Variants in GRHL2 observed in about 807,000 individuals in gnomAD.
GRHL2 encodes the protein grainyhead like transcription factor 2.
Under a neutral mutation model 83.8 loss-of-function variants are expected in GRHL2, and 21 were observed. That is an observed-to-expected ratio of 0.25 (90% CI 0.18 to 0.36). The LOEUF (loss-of-function observed/expected upper bound fraction) is 0.36, where lower values mean the gene tolerates loss of function less well. GRHL2 is among the 10% of genes least tolerant of loss of function. The pLI, the probability that GRHL2 is intolerant of heterozygous loss-of-function variation, is 1.00. For synonymous variants in GRHL2, 280 were observed against 278.9 expected, an observed-to-expected ratio of 1.00 and a Z score of -0.04; for missense variants, 623 against 781.8, an observed-to-expected ratio of 0.80 and a Z score of 2.42.
intron 7 of GRHL2, among the ~76,000 whole-genome samples, chr8:101,587,428 G>T (rs542421356): frequency 1.4e-4 from 21 of 152,254 alleles, no homozygotes; most frequent in African/African-American, 4.3e-4. Flanking sequence ...ATACTCACAC[G>T]CACAGATAAC....
chr8:101,592,856 A>G (rs1315017917), intron 7 of GRHL2, among the ~76,000 whole-genome samples: 2 of 152,202 alleles, frequency 1.3e-5, no homozygotes, highest in Non-Finnish European at 2.9e-5. Context: ...CATTTTGGCT[A>G]TATCTCTGGC....
intron 2 of GRHL2, among the ~76,000 whole-genome samples, chr8:101,544,930 G>A (rs1331372938): frequency 6.6e-6 from 1 of 151,994 alleles, no homozygotes. Context: ...ACCACCTCTG[G>A]CATTGCCACC....
intron 1 of GRHL2, among the ~76,000 whole-genome samples, chr8:101,508,097 T>A (rs1160167230): frequency 1.3e-5 from 2 of 152,290 alleles, no homozygotes; most frequent in Non-Finnish European, 2.9e-5. Flanking sequence ...TGAATGATTA[T>A]CCTTATCACT....
Position 101,555,671 on chromosome 8 carries a change from A to C in GRHL2, c.285-2748A>C, listed in dbSNP as rs537274103. Among the ~76,000 whole-genome samples, 4 of 152,324 alleles carry C rather than the reference A, an allele frequency of 2.6e-5. No homozygotes were observed. The South Asian group carries it at 8.3e-4, about 32-fold the overall frequency. ...GGTTCACTCTATTGATTTGATCACG[A>C]AATCAGGTCATTACTTAAGGCTAGA... On this transcript the variant is annotated intron_variant, in intron 3 of 15. Coordinates refer to ENST00000646743, the MANE Select transcript of GRHL2 (RefSeq NM_024915.4).
intron 1 of GRHL2, among the ~76,000 whole-genome samples, chr8:101,530,222 T>C (rs773317820): frequency 2.6e-5 from 4 of 152,184 alleles, no homozygotes; most frequent in Non-Finnish European, 4.4e-5. Flanking sequence ...TTTCCTTTAT[T>C]CCAGTCTCTT....
At chr8:101,624,880 T>C (rs2130382891) in intron 9 of GRHL2, among the ~76,000 whole-genome samples, 1 of 152,210 alleles carries the variant, frequency 6.6e-6, no homozygotes, top group East Asian at 1.9e-4. Flanking sequence ...CTAGGCCTGA[T>C]TTCAAACTCA....
In GRHL2 at chr8:101,667,504, T is replaced by C. The variant is rs578208889; in HGVS notation, c.*801T>C. 6.5e-6 allele frequency: 1 copy of C among 152,674 alleles called. No homozygotes were observed. The highest frequency in any genetic ancestry group is 6.5e-5 in the Admixed American group (1 of 15,286). 9.5% of individuals were successfully genotyped at this position (152,674 alleles called of 1,614,324 possible). On this transcript the variant is annotated 3_prime_UTR_variant, in exon 16 of 16. Coordinates refer to ENST00000646743, the MANE Select transcript of GRHL2 (RefSeq NM_024915.4). ...AGGGCTAGGTAGAGGGCCTTTGGGA[T>C]GTTAAGGTGACTGCAGCTGATGCCA... is the stretch of plus-strand genomic sequence containing the variant.
chr8:101,512,608 G>A (rs1810488054), intron 1 of GRHL2, among the ~76,000 whole-genome samples: 1 of 152,172 alleles, frequency 6.6e-6, no homozygotes, highest in South Asian at 2.1e-4. Flanking sequence ...CCGAGTAGCT[G>A]GGATTACAGG....
At position 101,524,950 on chromosome 8, in the gene GRHL2, C is replaced by CTT. The variant is rs71276982; in HGVS notation, c.21-18283_21-18282dup. 8.0e-5 allele frequency among the ~76,000 whole-genome samples: 12 copies of CTT among 150,818 alleles called. No homozygotes were observed. The East Asian group carries it at 1.2e-3, about 15-fold the overall frequency. ...ATTTTTGTTGCATTGATCAACATAT[C>CTT]TTTTTTTTTGAGATGGAGTTTTGCT... On this transcript the variant is annotated intron_variant, in intron 1 of 15. Transcript: ENST00000646743.
At position 101,611,826 on chromosome 8, in the gene GRHL2, T is replaced by G. The variant is rs915888676; in HGVS notation, c.1099-7713T>G. Among the ~76,000 whole-genome samples, 14 of 150,890 alleles carry G rather than the reference T, an allele frequency of 9.3e-5. 1 individual carries two copies. The highest frequency in any genetic ancestry group is 1.5e-4 in the Non-Finnish European group (10 of 68,014). ...CACCACTCCCTGCCTTTCAGGTTCTTTCTTCACCTTCCAGATATAAACCCT... is the reference window on the plus strand; with the variant it reads ...CACCACTCCCTGCCTTTCAGGTTCTGTCTTCACCTTCCAGATATAAACCCT... On this transcript the variant is annotated intron_variant, in intron 8 of 15. Coordinates refer to ENST00000646743, the MANE Select transcript of GRHL2 (RefSeq NM_024915.4).
At chr8:101,573,259 G>T (rs1028888707) in intron 5 of GRHL2, among the ~76,000 whole-genome samples, 1 of 150,528 alleles carries the variant, frequency 6.6e-6, no homozygotes, top group East Asian at 1.9e-4. Context: ...AAAAAAAAAG[G>T]TTAGGTATAT....
intron 11 of GRHL2, 120 bp from the exon 12 acceptor site, chr8:101,636,777 C>A: frequency 1.3e-6 from 1 of 753,704 alleles, no homozygotes; most frequent in Non-Finnish European, 2.4e-6. Context: ...TGTTATTAAA[C>A]AGATTAGTCT....
At chr8:101,519,335 C>A (rs564755954) in intron 1 of GRHL2, among the ~76,000 whole-genome samples, 1 of 151,976 alleles carries the variant, frequency 6.6e-6, no homozygotes, top group African/African-American at 2.4e-5. Context: ...TTCATTGATT[C>A]TTCTACTGTT....
intron 11 of GRHL2, among the ~76,000 whole-genome samples, chr8:101,634,576 A>C (rs938411712): frequency 6.6e-6 from 1 of 152,150 alleles, no homozygotes; most frequent in African/African-American, 2.4e-5. Context: ...GAGAGACGCA[A>C]GGATTGGTGT....
chr8:101,671,736 C>A (rs2129804257), downstream of GRHL2, among the ~76,000 whole-genome samples: 1 of 152,310 alleles, frequency 6.6e-6, no homozygotes, highest in African/African-American at 2.4e-5. Context: ...GGCAGACTGC[C>A]TCCTCAAGCG....
At chr8:101,569,203 G>T (rs1811774092) in intron 4 of GRHL2, among the ~76,000 whole-genome samples, 1 of 152,100 alleles carries the variant, frequency 6.6e-6, no homozygotes. Context: ...TAGGGCTTTT[G>T]GTCGTCTACT....
chr8:101,649,322 C>A, intron 13 of GRHL2, 92 bp from the exon 14 acceptor site: 1 of 1,013,808 alleles, frequency 9.9e-7, no homozygotes, highest in Non-Finnish European at 1.5e-6. Context: ...GTGCCACTCT[C>A]CAACACCTGT....
intron 4 of GRHL2, among the ~76,000 whole-genome samples, chr8:101,565,169 TAAGAAACAAACCA>T (rs1489836614): frequency 2.0e-5 from 3 of 152,160 alleles, no homozygotes; most frequent in African/African-American, 2.4e-5. Flanking sequence ...TCAGAGAGGT[TAAGAAACAAACCA>T]AAGATCATGC....
chr8:101,552,984 ACCCTCTTCAGATAC>A (rs927116042), intron 3 of GRHL2, among the ~76,000 whole-genome samples: 2 of 152,182 alleles, frequency 1.3e-5, no homozygotes, highest in Non-Finnish European at 2.9e-5. Flanking sequence ...GGGTCTCTCC[ACCCTCTTCAGATAC>A]CCCTCTTCAG....
Sources: allele counts gnomAD v4.1 joint callset (sites outside exome capture counted in the v4.1 genomes callset), GRCh38; gene constraint gnomAD v4.1.1; transcripts MANE v1.5; gene names NCBI Gene and HGNC (gene_info 2026-07-23, HGNC 2026-07-21).